The following ADARB2 variants were observed in gnomAD, a reference collection of about 807,000 sequenced individuals.
ADARB2 encodes the protein inactive double-stranded RNA-specific editase B2.
A neutral mutation model predicts 62.2 loss-of-function variants in ADARB2; 25 were observed. The ratio of observed to expected loss-of-function variants is 0.40; its 90% CI spans 0.29 to 0.56. ADARB2 has a LOEUF of 0.56. ADARB2 is among the 20% of genes least tolerant of loss of function. ADARB2 has a pLI of 0.43. For synonymous variants in ADARB2, 572 were observed against 500.8 expected (o/e 1.14, Z -1.90); for missense variants, 1,071 against 1,077.4 (o/e 0.99, Z 0.08).
rs535423771 is a variant in ADARB2 at position 1,365,124 on chromosome 10, C to T, written c.188-1207G>A. On this transcript the variant is annotated intron_variant, in intron 2 of 9. Coordinates refer to ENST00000381312, the MANE Select transcript of ADARB2 (RefSeq NM_018702.4). ...TGACCTCAGGTGATCTGCCTGCCTCCGTCTCCCAAAGTGCTGGGATTACGG... is the reference window on the plus strand; with the variant it reads ...TGACCTCAGGTGATCTGCCTGCCTCTGTCTCCCAAAGTGCTGGGATTACGG... Among the ~76,000 whole-genome samples, 10 of 152,098 alleles carry T rather than the reference C, an allele frequency of 6.6e-5. No individual in the cohort carries two copies. In the East Asian group the frequency reaches 7.7e-4, roughly 12 times the overall value.
At chr10:1,718,297 C>A (rs1360016134) in intron 1 of ADARB2, among the ~76,000 whole-genome samples, 2 of 152,190 alleles carry the variant, frequency 1.3e-5, no homozygotes, top group South Asian at 2.1e-4. Flanking sequence ...ATGTTCCTTG[C>A]CTGTGACTTG....
intron 2 of ADARB2, among the ~76,000 whole-genome samples, chr10:1,376,411 G>C (rs1000823045): frequency 6.6e-6 from 1 of 152,230 alleles, no homozygotes; most frequent in Admixed American, 6.5e-5. Flanking sequence ...GCCCAAGGCA[G>C]CTTGGCTGCC....
intron 3 of ADARB2, among the ~76,000 whole-genome samples, chr10:1,342,754 C>T (rs1287276860): frequency 1.3e-5 from 2 of 152,238 alleles, no homozygotes; most frequent in African/African-American, 2.4e-5. Flanking sequence ...AATGGGGTGA[C>T]AAGCTGATTA....
At chr10:1,660,238 T>G (rs987154951) in intron 1 of ADARB2, among the ~76,000 whole-genome samples, 5 of 152,262 alleles carry the variant, frequency 3.3e-5, no homozygotes, top group Admixed American at 1.3e-4. Flanking sequence ...GGCTACTTCC[T>G]GGAGGATAAT....
intron 1 of ADARB2, among the ~76,000 whole-genome samples, chr10:1,411,735 T>C (rs565718981): frequency 2.0e-4 from 30 of 152,268 alleles, no homozygotes; most frequent in Non-Finnish European, 3.1e-4. Flanking sequence ...GCAAGGCCAC[T>C]GTAGGTGCTT....
chr10:1,447,875 C>T lies in ADARB2; in HGVS notation c.101-68715G>A, dbSNP rs911340659. 7.9e-5 allele frequency among the ~76,000 whole-genome samples: 12 copies of T among 152,154 alleles called. 1 individual carries two copies. The highest frequency in any genetic ancestry group is 3.9e-4 in the Admixed American group (6 of 15,276). Reference sequence around the variant, plus strand: ...TTAGTTTGCTTAAGATCATGGCCTCCAGCTTCACCCACGTTGCTGCAAAAG... The same window carrying T: ...TTAGTTTGCTTAAGATCATGGCCTCTAGCTTCACCCACGTTGCTGCAAAAG... On this transcript the variant is annotated intron_variant, in intron 1 of 9. Transcript: ENST00000381312.
chr10:1,425,070 C>T (rs1832883648), intron 1 of ADARB2, among the ~76,000 whole-genome samples: 1 of 152,190 alleles, frequency 6.6e-6, no homozygotes, highest in Non-Finnish European at 1.5e-5. Context: ...AGCCTTGTTA[C>T]AGCTGGAAAA....
At position 1,609,908 on chromosome 10, in the gene ADARB2, C is replaced by T. The variant is rs888857242; in HGVS notation, c.100+127143G>A. ...GATGAATAGCAGGGCGCTGACAGTCCCCGTCTGCCCTCTTCATTAGGATTG... is the reference window on the plus strand; with the variant it reads ...GATGAATAGCAGGGCGCTGACAGTCTCCGTCTGCCCTCTTCATTAGGATTG... On this transcript the variant is annotated intron_variant, in intron 1 of 9. Transcript: ENST00000381312. 2.7e-4 allele frequency among the ~76,000 whole-genome samples: 41 copies of T among 152,230 alleles called. 1 individual carries two copies. The highest frequency in any genetic ancestry group is 9.9e-4 in the African/African-American group (41 of 41,456).
At chr10:1,573,666 G>T (rs1832970225) in intron 1 of ADARB2, among the ~76,000 whole-genome samples, 1 of 152,188 alleles carries the variant, frequency 6.6e-6, no homozygotes, top group Admixed American at 6.5e-5. Flanking sequence ...AGTGTCCTTG[G>T]GAGGTTGAGG....
intron 8 of ADARB2, among the ~76,000 whole-genome samples, chr10:1,191,124 A>C (rs1263938197): frequency 6.6e-6 from 1 of 150,444 alleles, no homozygotes; most frequent in East Asian, 2.0e-4. Flanking sequence ...GGGTTTGCAC[A>C]CTCTGGGCCC....
intron 1 of ADARB2, chr10:1,678,234 G>T (rs1367597010): frequency 1.0e-6 from 1 of 985,216 alleles, no homozygotes; most frequent in East Asian, 1.1e-4. Context: ...CGACCTCAGG[G>T]TGAGTGTCCT....
In ADARB2 at chr10:1,576,069, A is replaced by G. The variant is rs1267825635; in HGVS notation, c.100+160982T>C. Among the ~76,000 whole-genome samples the G allele has an allele frequency of 1.3e-4, 7 of 53,448 alleles. No homozygotes were observed. In the South Asian group the frequency reaches 4.5e-3, roughly 34 times the overall value. The allele number at this position is 53,448 out of a possible 152,430, so 35.1% of individuals were successfully genotyped here. On this transcript the variant is annotated intron_variant, in intron 1 of 9. Transcript: ENST00000381312. ...GGGTCAGGGTCACAGGAGGGGGCCC[A>G]GGGTCACAGGAGGGGGCTCAGGGCC...
intron 1 of ADARB2, among the ~76,000 whole-genome samples, chr10:1,726,821 G>A (rs1253641412): frequency 6.6e-6 from 1 of 152,104 alleles, no homozygotes; most frequent in Admixed American, 6.5e-5. Flanking sequence ...GGAGGAGTGT[G>A]TGCATCCCAG....
chr10:1,364,313 C>T (rs536413181), intron 2 of ADARB2, among the ~76,000 whole-genome samples: 2 of 151,362 alleles, frequency 1.3e-5, no homozygotes, highest in East Asian at 1.9e-4. Context: ...CCTCCAGGCC[C>T]GGTGCCCAAT....
chr10:1,186,884 CA>C (rs1416686748), intron 8 of ADARB2, among the ~76,000 whole-genome samples: 1 of 152,236 alleles, frequency 6.6e-6, no homozygotes, highest in Non-Finnish European at 1.5e-5. Flanking sequence ...GTCCCCACGT[CA>C]CGTGGTAGCA....
At chr10:1,400,089 G>T (rs1488057857) in intron 1 of ADARB2, among the ~76,000 whole-genome samples, 1 of 152,272 alleles carries the variant, frequency 6.6e-6, no homozygotes, top group African/African-American at 2.4e-5. Context: ...CAGATGGAAT[G>T]GGGTGTGTGG....
At chr10:1,211,145 A>G (rs958012758) in intron 7 of ADARB2, among the ~76,000 whole-genome samples, 3 of 151,056 alleles carry the variant, frequency 2.0e-5, no homozygotes, top group Non-Finnish European at 2.9e-5. Flanking sequence ...CATCTAATCT[A>G]TAATCTATCA....
chr10:1,581,379 C>T (rs1477043392), intron 1 of ADARB2, among the ~76,000 whole-genome samples: 6 of 152,200 alleles, frequency 3.9e-5, no homozygotes, highest in African/African-American at 1.4e-4. Context: ...GAAATGTCAC[C>T]ATCTCCCCCG....
At chr10:1,267,027 C>T (rs1232054625) in intron 4 of ADARB2, among the ~76,000 whole-genome samples, 1 of 151,110 alleles carries the variant, frequency 6.6e-6, no homozygotes, top group Non-Finnish European at 1.5e-5. Flanking sequence ...AACAAAAATG[C>T]GTGTAAATGA....
Sources: gnomAD v4.1 joint callset for allele counts (sites outside exome capture counted in the v4.1 genomes callset) on GRCh38, gnomAD v4.1.1 for gene constraint, MANE v1.5 for transcripts, NCBI Gene and HGNC (gene_info 2026-07-23, HGNC 2026-07-21) for gene names.